MYO5B: variants seen among roughly 807,000 people sequenced by gnomAD.
MYO5B encodes unconventional myosin-Vb.
In MYO5B, 143 loss-of-function variants were observed where a neutral mutation model predicts 229.3. The ratio of observed to expected loss-of-function variants is 0.62; its 90% CI spans 0.54 to 0.72. The LOEUF is 0.72. Among genes scored for constraint, MYO5B ranks in the 30% least tolerant of loss-of-function variants. The pLI, the probability that MYO5B is intolerant of heterozygous loss-of-function variation, is 0.00. For synonymous variants in MYO5B, 918 were observed against 885.2 expected, an observed-to-expected ratio of 1.04 and a Z score of -0.66; for missense variants, 2,321 against 2,331.0, an observed-to-expected ratio of 1.00 and a Z score of 0.09.
At chr18:50,101,790 G>A (rs1056575408) in intron 1 of MYO5B, among the ~76,000 whole-genome samples, 1 of 152,178 alleles carries the variant, frequency 6.6e-6, no homozygotes. Flanking sequence ...ACTGTTGATG[G>A]GAATGTAAAT....
intron 17 of MYO5B, among the ~76,000 whole-genome samples, chr18:49,929,020 C>T (rs999674748): frequency 6.6e-6 from 1 of 152,136 alleles, no homozygotes; most frequent in African/African-American, 2.4e-5. Context: ...ACAGTGTATA[C>T]TGCTTGGGTG....
chr18:50,179,075 C>A (rs1392187115), intron 1 of MYO5B, among the ~76,000 whole-genome samples: 1 of 152,080 alleles, frequency 6.6e-6, no homozygotes, highest in Non-Finnish European at 1.5e-5. Flanking sequence ...AAATAAATGG[C>A]AAATCTTAGG....
chr18:49,868,325 A>G (rs186456206), intron 27 of MYO5B, among the ~76,000 whole-genome samples: 1 of 152,356 alleles, frequency 6.6e-6, no homozygotes, highest in Admixed American at 6.5e-5. Context: ...AAGGAGAAAA[A>G]AAAACACTCG....
chr18:49,939,684 T>C (rs1454385711), intron 14 of MYO5B, among the ~76,000 whole-genome samples: 2 of 152,182 alleles, frequency 1.3e-5, no homozygotes, highest in Non-Finnish European at 2.9e-5. Context: ...GGGCTGCTAG[T>C]CAGTGGCTGA....
chr18:49,987,943 T>C (rs1035504210), intron 7 of MYO5B, among the ~76,000 whole-genome samples: 1 of 152,164 alleles, frequency 6.6e-6, no homozygotes, highest in African/African-American at 2.4e-5. Context: ...GTATGGTTTT[T>C]ACCATCATTT....
At chr18:49,976,651 C>T (rs2025754527) in intron 9 of MYO5B, among the ~76,000 whole-genome samples, 1 of 152,218 alleles carries the variant, frequency 6.6e-6, no homozygotes, top group African/African-American at 2.4e-5. Context: ...GGCCTCCTGC[C>T]TTCTGGCCCA....
chr18:50,136,964 G>C (rs1009465122), intron 1 of MYO5B, among the ~76,000 whole-genome samples: 4 of 152,168 alleles, frequency 2.6e-5, no homozygotes, highest in South Asian at 2.1e-4. Context: ...ATAGTCACTA[G>C]TGGTAACAGT....
At chr18:49,838,831 C>CT (rs1366706637) in intron 36 of MYO5B, among the ~76,000 whole-genome samples, 1 of 152,104 alleles carries the variant, frequency 6.6e-6, no homozygotes, top group East Asian at 1.9e-4. Flanking sequence ...GAGGGTTATG[C>CT]TTTTTCACTG....
At chr18:49,990,189 C>G (rs993412595) in intron 7 of MYO5B, among the ~76,000 whole-genome samples, 1 of 152,206 alleles carries the variant, frequency 6.6e-6, no homozygotes, top group Non-Finnish European at 1.5e-5. Context: ...GACTTCCATG[C>G]CATGCAAAAC....
At chr18:49,895,466 G>T (rs1282655607) in intron 21 of MYO5B, among the ~76,000 whole-genome samples, 1 of 152,230 alleles carries the variant, frequency 6.6e-6, no homozygotes. Flanking sequence ...GTGGCTTTAT[G>T]GCTGGGTGGA....
intron 17 of MYO5B, among the ~76,000 whole-genome samples, chr18:49,912,679 C>G (rs962302110): frequency 6.6e-6 from 1 of 152,194 alleles, no homozygotes. Flanking sequence ...TGTTCCTTTG[C>G]TCCTCCTTTG....
chr18:50,127,148 CTAGT>C (rs2144540859), intron 1 of MYO5B, among the ~76,000 whole-genome samples: 1 of 152,278 alleles, frequency 6.6e-6, no homozygotes, highest in Admixed American at 6.5e-5. Context: ...GTTTACATTG[CTAGT>C]TAGAGCCCCC....
At chr18:50,154,346 C>A (rs910253414) in intron 1 of MYO5B, among the ~76,000 whole-genome samples, 2 of 152,184 alleles carry the variant, frequency 1.3e-5, no homozygotes, top group Non-Finnish European at 2.9e-5. Context: ...CATGACCTCA[C>A]AACATTGAAG....
chr18:49,981,237 C>T (rs17715560), intron 8 of MYO5B, among the ~76,000 whole-genome samples: 7,126 of 152,288 alleles, frequency 0.047, 195 homozygotes, highest in Non-Finnish European at 0.064. Flanking sequence ...AAGGCATTGG[C>T]GTTTTTACAG....
At chr18:49,966,256 C>G (rs1162713163) in intron 10 of MYO5B, among the ~76,000 whole-genome samples, 1 of 152,192 alleles carries the variant, frequency 6.6e-6, no homozygotes, top group Non-Finnish European at 1.5e-5. Flanking sequence ...TGCTTGGAGA[C>G]AAACCACATT....
chr18:49,904,600 T>A, intron 20 of MYO5B, 72 bp downstream of exon 20: 1 of 1,589,170 alleles, frequency 6.3e-7, no homozygotes, highest in Non-Finnish European at 8.6e-7. Flanking sequence ...GAGGTTCACG[T>A]TGGCAGTAAT....
chr18:50,005,858 T>C (rs1342758786), intron 4 of MYO5B, among the ~76,000 whole-genome samples: 4 of 152,212 alleles, frequency 2.6e-5, no homozygotes, highest in Non-Finnish European at 5.9e-5. Flanking sequence ...TATGCAGTCC[T>C]GTCCATGTCC....
At chr18:50,002,962 G>C (rs1264722938) in intron 4 of MYO5B, among the ~76,000 whole-genome samples, 1 of 152,164 alleles carries the variant, frequency 6.6e-6, no homozygotes, top group African/African-American at 2.4e-5. Flanking sequence ...GTAGGCCATA[G>C]CTTATCAGCA....
Position 49,992,438 on chromosome 18 carries a change from A to C in MYO5B, c.613-7T>G, listed in dbSNP as rs1335142983. ...TCTTGGCATTTCCAATGGCCTGCAC[A>C]GACCAGACAGACAAAGGTATGAAAA... On this transcript the variant is annotated splice_polypyrimidine_tract_variant and splice_region_variant and intron_variant, in intron 5 of 39. Coordinates refer to ENST00000285039, the MANE Select transcript of MYO5B (RefSeq NM_001080467.3). 1 of 1,614,010 alleles carries C rather than the reference A, an allele frequency of 6.2e-7. No homozygotes were observed. Among genetic ancestry groups the C allele is most frequent in the Non-Finnish European group, 8.5e-7 (1 of 1,180,000 alleles).
Sources: allele counts gnomAD v4.1 joint callset (sites outside exome capture counted in the v4.1 genomes callset), GRCh38; gene constraint gnomAD v4.1.1; transcripts MANE v1.5; gene names NCBI Gene and HGNC (gene_info 2026-07-23, HGNC 2026-07-21).